BCKDHB: variants seen among roughly 807,000 people sequenced by gnomAD.
BCKDHB encodes 2-oxoisovalerate dehydrogenase subunit beta, mitochondrial.
A neutral mutation model predicts 48.5 loss-of-function variants in BCKDHB; 41 were observed. The ratio of observed to expected loss-of-function variants is 0.85; its 90% CI spans 0.66 to 1.10. BCKDHB has a LOEUF of 1.10. Ranked by LOEUF, BCKDHB falls within the 50% of genes least tolerant of loss-of-function variation. BCKDHB has a pLI of 0.00. For missense variants in BCKDHB, 496 were observed against 494.2 expected (o/e 1.00, Z -0.03); for synonymous variants, 201 against 174.8 (o/e 1.15, Z -1.18).
chr6:80,403,493 T>A, the BCKDHB span, among the ~76,000 whole-genome samples: 3 of 151,914 alleles, frequency 2.0e-5, no homozygotes, highest in South Asian at 2.1e-4. Context: ...TTCTTTAGGG[T>A]TTTCTTTATA....
At chr6:80,447,422 T>C in the BCKDHB span, among the ~76,000 whole-genome samples, 3 of 150,228 alleles carry the variant, frequency 2.0e-5, no homozygotes, top group African/African-American at 7.3e-5. Flanking sequence ...AGGTGTACAA[T>C]TTGAAATTCT....
chr6:80,229,003 A>G (rs1775799505), intron 8 of BCKDHB, among the ~76,000 whole-genome samples: 1 of 152,202 alleles, frequency 6.6e-6, no homozygotes, highest in Non-Finnish European at 1.5e-5. Flanking sequence ...GAAACACAAC[A>G]GAAGACATCC....
the BCKDHB span, among the ~76,000 whole-genome samples, chr6:80,420,144 A>T: frequency 6.6e-6 from 1 of 151,862 alleles, no homozygotes; most frequent in African/African-American, 2.4e-5. Context: ...ACAATTTTTG[A>T]TCTCCAATTT....
intron 9 of BCKDHB, among the ~76,000 whole-genome samples, chr6:80,324,199 G>T (rs889584572): frequency 6.6e-6 from 1 of 152,168 alleles, no homozygotes. Context: ...CAGTGAGCTG[G>T]TTCTCAGTCC....
At chr6:80,404,748 A>G in the BCKDHB span, among the ~76,000 whole-genome samples, 1 of 151,866 alleles carries the variant, frequency 6.6e-6, no homozygotes, top group African/African-American at 2.4e-5. Flanking sequence ...AAGTTTTGGT[A>G]TATGTGTTGC....
chr6:80,207,624 G>C (rs543281141), intron 8 of BCKDHB, among the ~76,000 whole-genome samples: 1 of 151,618 alleles, frequency 6.6e-6, no homozygotes, highest in Non-Finnish European at 1.5e-5. Context: ...ACCATGTGTA[G>C]CTTAAAAAAG....
At chr6:80,299,408 G>A (rs182424649) in intron 9 of BCKDHB, among the ~76,000 whole-genome samples, 31 of 152,164 alleles carry the variant, frequency 2.0e-4, no homozygotes, top group African/African-American at 7.2e-4. Context: ...CCTTTGGTTC[G>A]GGGGTTTCCT....
chr6:80,255,085 A>G (rs1776995794), intron 8 of BCKDHB, among the ~76,000 whole-genome samples: 1 of 152,170 alleles, frequency 6.6e-6, no homozygotes, highest in South Asian at 2.1e-4. Flanking sequence ...CATTGTCACC[A>G]CATGTTATAT....
the BCKDHB span, among the ~76,000 whole-genome samples, chr6:80,459,611 GATATT>G: frequency 0.035 from 5,290 of 152,120 alleles, 313 homozygotes; most frequent in African/African-American, 0.12. Context: ...GTTGAGGGTA[GATATT>G]ATATTAAATG....
chr6:80,418,988 G>A, the BCKDHB span, among the ~76,000 whole-genome samples: 2 of 152,224 alleles, frequency 1.3e-5, no homozygotes, highest in Non-Finnish European at 2.9e-5. Context: ...TCACAAGAAA[G>A]AGTGGTCACT....
At chr6:80,227,781 G>C (rs1227254333) in intron 8 of BCKDHB, among the ~76,000 whole-genome samples, 6 of 152,126 alleles carry the variant, frequency 3.9e-5, no homozygotes, top group Non-Finnish European at 8.8e-5. Flanking sequence ...TCTTATGTGA[G>C]GGTTTAAAAA....
intron 6 of BCKDHB, among the ~76,000 whole-genome samples, chr6:80,189,436 A>G (rs1243170709): frequency 1.3e-5 from 2 of 152,200 alleles, no homozygotes; most frequent in Non-Finnish European, 2.9e-5. Flanking sequence ...GAATTCTAAT[A>G]ATATAGAAAC....
the BCKDHB span, among the ~76,000 whole-genome samples, chr6:80,352,320 AGAG>A: frequency 6.6e-6 from 1 of 152,090 alleles, no homozygotes; most frequent in East Asian, 1.9e-4. Context: ...CCTTCTCTAC[AGAG>A]GAGGTCATCT....
intron 8 of BCKDHB, among the ~76,000 whole-genome samples, chr6:80,240,819 C>T (rs376897645): frequency 3.3e-5 from 5 of 152,130 alleles, no homozygotes; most frequent in African/African-American, 1.2e-4. Context: ...TGGGGAAGTT[C>T]TCCTGGATAA....
chr6:80,243,717 G>A (rs573001111), intron 8 of BCKDHB, among the ~76,000 whole-genome samples: 1 of 152,060 alleles, frequency 6.6e-6, no homozygotes, highest in Non-Finnish European at 1.5e-5. Context: ...TTACCTTTTT[G>A]TAGGGATAGT....
the BCKDHB span, among the ~76,000 whole-genome samples, chr6:80,352,234 G>A: frequency 1.3e-5 from 2 of 151,720 alleles, no homozygotes; most frequent in South Asian, 2.1e-4. Context: ...CTGTCTCTGC[G>A]TCCAAAATGC....
chr6:80,439,044 C>G, the BCKDHB span, among the ~76,000 whole-genome samples: 1 of 152,160 alleles, frequency 6.6e-6, no homozygotes, highest in African/African-American at 2.4e-5. Context: ...CTCTGGGATA[C>G]AAATGAAGCT....
the BCKDHB span, among the ~76,000 whole-genome samples, chr6:80,417,945 C>T: frequency 8.5e-5 from 13 of 152,152 alleles, no homozygotes; most frequent in Admixed American, 3.3e-4. Context: ...TGGTTCCATT[C>T]TCCCCATCTC....
At chr6:80,225,252 T>C (rs1443197036) in intron 8 of BCKDHB, among the ~76,000 whole-genome samples, 1 of 152,174 alleles carries the variant, frequency 6.6e-6, no homozygotes, top group Non-Finnish European at 1.5e-5. Context: ...TAGATATGGC[T>C]TGAGTAGCTG....
Sources: gnomAD v4.1 joint callset for allele counts (sites outside exome capture counted in the v4.1 genomes callset) on GRCh38, gnomAD v4.1.1 for gene constraint, MANE v1.5 for transcripts, NCBI Gene and HGNC (gene_info 2026-07-23, HGNC 2026-07-21) for gene names.